R3HDM1: variants seen among roughly 807,000 people sequenced by gnomAD.
The protein encoded by R3HDM1 is R3H domain-containing protein 1.
Under a neutral mutation model 141.1 loss-of-function variants are expected in R3HDM1, and 46 were observed. The observed-to-expected ratio is 0.33, with a 90% CI of 0.26 to 0.42. R3HDM1 has a LOEUF of 0.42. R3HDM1 is among the 10% of genes least tolerant of loss of function. The pLI is 1.00. For missense variants in R3HDM1, 1,184 were observed against 1,368.3 expected (o/e 0.87, Z 2.12); for synonymous variants, 435 against 472.9 (o/e 0.92, Z 1.04).
chr2:135,644,964 C>G (rs962271506), intron 15 of R3HDM1, among the ~76,000 whole-genome samples: 1 of 152,118 alleles, frequency 6.6e-6, no homozygotes, highest in Admixed American at 6.5e-5. Context: ...TGCCTGTAAT[C>G]CCAGCTACTC....
intron 1 of R3HDM1, among the ~76,000 whole-genome samples, chr2:135,538,922 T>TTTGTTGTTG (rs142600652): frequency 2.0e-5 from 3 of 151,628 alleles, no homozygotes; most frequent in Non-Finnish European, 4.4e-5. Flanking sequence ...CTTAAAAGTT[T>TTTGTTGTTG]TTGTTGTTGT....
intron 3 of R3HDM1, 135 bp from the exon 4 acceptor site, chr2:135,616,017 C>G: frequency 1.3e-6 from 1 of 761,886 alleles, no homozygotes; most frequent in Non-Finnish European, 2.0e-6. Context: ...TACTCCTTTA[C>G]TGAAACCAAC....
chr2:135,650,972 A>T (rs1574705564), intron 17 of R3HDM1: 1 of 985,258 alleles, frequency 1.0e-6, no homozygotes, highest in African/African-American at 1.7e-5. Context: ...TAATCATTTC[A>T]GTGATATTTT....
chr2:135,699,571 C>T (rs1484989724), intron 21 of R3HDM1, among the ~76,000 whole-genome samples: 3 of 151,550 alleles, frequency 2.0e-5, no homozygotes, highest in Admixed American at 1.3e-4. Flanking sequence ...AAATTCTCTT[C>T]TGATTGCTTT....
intron 1 of R3HDM1, among the ~76,000 whole-genome samples, chr2:135,599,528 T>C (rs2059452477): frequency 1.3e-5 from 2 of 152,252 alleles, no homozygotes. Flanking sequence ...AATGGACTTC[T>C]AAATGTTGTG....
intron 21 of R3HDM1, among the ~76,000 whole-genome samples, chr2:135,705,233 A>G (rs2074750071): frequency 6.6e-6 from 1 of 152,250 alleles, no homozygotes; most frequent in South Asian, 2.1e-4. Flanking sequence ...TGGTAAGGCA[A>G]GTGCTAATTG....
chr2:135,667,300 T>G (rs1449424702), intron 19 of R3HDM1: 1 of 844,208 alleles, frequency 1.2e-6, no homozygotes, highest in Non-Finnish European at 1.4e-6. Context: ...TCTCTTAGCT[T>G]GCAGAATTGA....
At chr2:135,677,932 T>G (rs982625045) in intron 20 of R3HDM1, among the ~76,000 whole-genome samples, 18 of 151,954 alleles carry the variant, frequency 1.2e-4, no homozygotes, top group African/African-American at 4.4e-4. Flanking sequence ...GCTTGCTCTC[T>G]CTCGCTCGCT....
chr2:135,660,957 C>T (rs1485334569), intron 18 of R3HDM1, among the ~76,000 whole-genome samples: 1 of 151,668 alleles, frequency 6.6e-6, no homozygotes, highest in East Asian at 1.9e-4. Flanking sequence ...ATAATGGCTT[C>T]TATGGAAGTT....
intron 17 of R3HDM1, chr2:135,650,909 AT>A: frequency 1.0e-6 from 1 of 985,366 alleles, no homozygotes; most frequent in Non-Finnish European, 1.2e-6. Flanking sequence ...AATGTGGTAT[AT>A]TTTATTGCCA....
chr2:135,655,776 G>A (rs1457467942), intron 18 of R3HDM1, among the ~76,000 whole-genome samples: 1 of 152,060 alleles, frequency 6.6e-6, no homozygotes, highest in Non-Finnish European at 1.5e-5. Flanking sequence ...TTACAGATGT[G>A]AGCCACCGCA....
chr2:135,698,273 C>T (rs2073587968), intron 21 of R3HDM1, among the ~76,000 whole-genome samples: 1 of 151,524 alleles, frequency 6.6e-6, no homozygotes, highest in African/African-American at 2.4e-5. Context: ...CTTTCTCCTG[C>T]CTCAGCCTCC....
chr2:135,579,483 C>T (rs1665422106), intron 1 of R3HDM1, among the ~76,000 whole-genome samples: 1 of 151,186 alleles, frequency 6.6e-6, no homozygotes, highest in South Asian at 2.1e-4. Flanking sequence ...CAAGAACTAT[C>T]AGCAGATACT....
chr2:135,677,900 C>T (rs1251191017), intron 20 of R3HDM1, among the ~76,000 whole-genome samples: 1 of 151,982 alleles, frequency 6.6e-6, no homozygotes, highest in East Asian at 1.9e-4. Context: ...TATGCCTGTA[C>T]ACTCTCTAGT....
At chr2:135,711,669 A>G (rs1183572995) in intron 23 of R3HDM1, among the ~76,000 whole-genome samples, 2 of 150,448 alleles carry the variant, frequency 1.3e-5, no homozygotes, top group Non-Finnish European at 3.0e-5. Context: ...TTTGAAAAAA[A>G]AAAAAAAACC....
At chr2:135,710,576 G>T (rs1307485177) in intron 23 of R3HDM1, among the ~76,000 whole-genome samples, 2 of 152,126 alleles carry the variant, frequency 1.3e-5, no homozygotes, top group Non-Finnish European at 2.9e-5. Context: ...CTGAACCCAG[G>T]TGAGTGGAGG....
Position 135,581,510 on chromosome 2 carries a change from C to T in R3HDM1, c.-249-20990C>T, listed in dbSNP as rs72988436. ...GACTAATACCACAATCTTTCCTCAC[C>T]ACTTATTAATAGTATCTCCTCTCTA... On this transcript the variant is annotated intron_variant, in intron 1 of 26. Transcript: ENST00000683871. 8,118 of 604,134 alleles carry T rather than the reference C, an allele frequency of 0.013. 619 individuals carry two copies. The African/African-American group carries it at 0.15, about 12-fold the overall frequency. 37.4% of individuals were successfully genotyped at this position (604,134 alleles called of 1,614,324 possible).
intron 1 of R3HDM1, among the ~76,000 whole-genome samples, chr2:135,591,671 C>G (rs1301628644): frequency 6.6e-6 from 1 of 152,186 alleles, no homozygotes; most frequent in East Asian, 1.9e-4. Flanking sequence ...GCAGTTAGGC[C>G]AGACAAGTCC....
chr2:135,722,688 G>A lies in R3HDM1; in HGVS notation c.3049+135G>A, dbSNP rs369973406. 3.8e-6 allele frequency: 3 copies of A among 796,432 alleles called. No individual in the cohort carries two copies. The East Asian group carries it at 8.1e-5, about 22-fold the overall frequency. 49.3% of individuals were successfully genotyped at this position (796,432 alleles called of 1,614,324 possible). A position where few individuals can be genotyped will look rare whatever the true frequency, so the allele number is the denominator to read the frequency against. On this transcript the variant is annotated intron_variant, in intron 26 of 26. Transcript: ENST00000683871. ...ATAATTTTTGCCATCTCTGATTTAG[G>A]GTTCTTGGATATGTTCCTATGACCT...
Sources: gnomAD v4.1 joint callset for allele counts (sites outside exome capture counted in the v4.1 genomes callset) on GRCh38, gnomAD v4.1.1 for gene constraint, MANE v1.5 for transcripts, NCBI Gene and HGNC (gene_info 2026-07-23, HGNC 2026-07-21) for gene names.